APCDD1: variants seen among roughly 807,000 people sequenced by gnomAD.
The protein encoded by APCDD1 is APC down-regulated 1, also known as protein APCDD1.
APCDD1 carries 15 observed loss-of-function variants against 38.1 expected under a neutral mutation model. The observed-to-expected ratio is 0.39, with a 90% CI of 0.26 to 0.61. The LOEUF (loss-of-function observed/expected upper bound fraction) is 0.61, where lower values mean the gene tolerates loss of function less well. APCDD1 is among the 20% of genes least tolerant of loss of function. APCDD1 has a pLI of 0.49. For missense variants in APCDD1, 647 were observed against 696.2 expected, an observed-to-expected ratio of 0.93 and a Z score of 0.79; for synonymous variants, 261 against 279.7, an observed-to-expected ratio of 0.93 and a Z score of 0.67.
In APCDD1 at chr18:10,476,299, T is replaced by G. The variant is rs2031000463; in HGVS notation, c.774+4238T>G. The G allele has an allele frequency of 6.6e-6, 1 of 152,284 alleles. No individual in the cohort carries two copies. The highest frequency in any genetic ancestry group is 1.5e-5 in the Non-Finnish European group (1 of 68,058). 9.4% of individuals were successfully genotyped at this position (152,284 alleles called of 1,614,324 possible). A position where few individuals can be genotyped will look rare whatever the true frequency, so the allele number is the denominator to read the frequency against. The stretch of plus-strand genomic sequence containing the variant: ...AGTCAACTTGTTTTTCTAAGCTTTA[T>G]ACAGCTTTGCTGTGAGGTCCAGAGT... On this transcript the variant is annotated intron_variant, in intron 3 of 4. Coordinates refer to ENST00000355285, the MANE Select transcript of APCDD1 (RefSeq NM_153000.5). This position sits in a 1 kb window ranked among gnomAD's most constrained non-coding sequence, Gnocchi z 5.8.
chr18:10,471,392 T>C lies in APCDD1; in HGVS notation c.243-138T>C. The C allele has an allele frequency of 9.1e-7, 1 of 1,104,950 alleles. No individual in the cohort carries two copies. Among genetic ancestry groups the C allele is most frequent in the South Asian group, 1.4e-5 (1 of 73,098 alleles). 68.4% of individuals were successfully genotyped at this position (1,104,950 alleles called of 1,614,324 possible). On this transcript the variant is annotated intron_variant, in intron 2 of 4. Coordinates refer to ENST00000355285, the MANE Select transcript of APCDD1 (RefSeq NM_153000.5). This position sits in a 1 kb window ranked among gnomAD's most constrained non-coding sequence, Gnocchi z 5.5. ...GTTGTGAGGAGTCAATGAGTTGGTA[T>C]CTATAAAGGGCTGACAACAGAGTCT...
rs561901845 is a variant in APCDD1 at position 10,486,462 on chromosome 18, A to G, written c.1096+679A>G. On this transcript the variant is annotated intron_variant, in intron 4 of 4. Coordinates refer to ENST00000355285, the MANE Select transcript of APCDD1 (RefSeq NM_153000.5). Reference sequence around the variant, plus strand: ...AACACTGCGTTTGCTTGCATGCCACAGTGCTTTCCTGAGTGAGCAATAAAG... The same window carrying G: ...AACACTGCGTTTGCTTGCATGCCACGGTGCTTTCCTGAGTGAGCAATAAAG... 8.9e-4 allele frequency among the ~76,000 whole-genome samples: 135 copies of G among 152,334 alleles called. 2 individuals are homozygous for G. In the Middle Eastern group the frequency reaches 0.01, roughly 12 times the overall value.
At chr18:10,481,094 T>A (rs1198654563) in intron 3 of APCDD1, among the ~76,000 whole-genome samples, 1 of 152,176 alleles carries the variant, frequency 6.6e-6, no homozygotes, top group East Asian at 1.9e-4. Flanking sequence ...ACCTTATACA[T>A]TGCTGATGGA....
chr18:10,458,717 G>T (rs999951003), intron 1 of APCDD1, among the ~76,000 whole-genome samples: 2 of 152,186 alleles, frequency 1.3e-5, no homozygotes, highest in African/African-American at 4.8e-5. Flanking sequence ...ACAGACTGAT[G>T]ACAATATAAT....
At chr18:10,462,896 A>G (rs1247854031) in intron 1 of APCDD1, among the ~76,000 whole-genome samples, 1 of 148,954 alleles carries the variant, frequency 6.7e-6, no homozygotes, top group African/African-American at 2.6e-5. Flanking sequence ...TCCTGCTTTC[A>G]ATCTGTCCCC....
chr18:10,455,080 A>G lies in APCDD1; in HGVS notation c.58+41A>G, dbSNP rs28379930. ...CCACTCGAGCGCTCCCAGCCGGCGG[A>G]GGCAGCCCGGGCGCCGCGGAGCCCG... is the stretch of plus-strand genomic sequence containing the variant. On this transcript the variant is annotated intron_variant, in intron 1 of 4. Coordinates refer to ENST00000355285, the MANE Select transcript of APCDD1 (RefSeq NM_153000.5). 0.54 allele frequency: 829,180 copies of G among 1,546,900 alleles called. 226,764 individuals carry two copies. The highest frequency in any genetic ancestry group is 0.78 in the African/African-American group (56,987 of 72,810).
At chr18:10,462,536 TCCTCCCTTCCTTCCTTCCTGTGACCCTC>T in intron 1 of APCDD1, among the ~76,000 whole-genome samples, 1 of 72,902 alleles carries the variant, frequency 1.4e-5, no homozygotes. Flanking sequence ...GACCCTCCCT[TCCTCCCTTCCTTCCTTCCTGTGACCCTC>T]CCTTCCTTCC....
intron 1 of APCDD1, among the ~76,000 whole-genome samples, chr18:10,463,555 C>T (rs1424571862): frequency 6.6e-6 from 1 of 152,166 alleles, no homozygotes; most frequent in African/African-American, 2.4e-5. Flanking sequence ...TTATGCTTGG[C>T]CTCTGCTGCA....
rs1390516866 is a variant in APCDD1, at chr18:10,488,210, T to C, written c.*172T>C. 15 of 837,650 alleles carry C rather than the reference T, an allele frequency of 1.8e-5. No homozygotes were observed. The highest frequency in any genetic ancestry group is 3.5e-4 in the Middle Eastern group (1 of 2,830). 51.9% of individuals were successfully genotyped at this position (837,650 alleles called of 1,614,324 possible). ...CTGAGTCATGAACAGCAAGGAGTGT[T>C]TGAAGTTTCTGCTTTGAACTCCGTC... On this transcript the variant is annotated 3_prime_UTR_variant, in exon 5 of 5. Transcript: ENST00000355285.
intron 3 of APCDD1, among the ~76,000 whole-genome samples, chr18:10,474,740 G>C (rs1347776279): frequency 6.6e-6 from 1 of 152,192 alleles, no homozygotes; most frequent in Non-Finnish European, 1.5e-5. Flanking sequence ...GCATTGTTAA[G>C]GCTGGCGCCC....
At position 10,487,915 on chromosome 18, in the gene APCDD1, G is replaced by A; in HGVS notation, c.1422G>A (p.Glu474=). The A allele has an allele frequency of 6.2e-7, 1 of 1,613,370 alleles. No homozygotes were observed. Among genetic ancestry groups the A allele is most frequent in the Non-Finnish European group, 8.5e-7 (1 of 1,179,710 alleles). The change falls in exon 5 of 5, where the codon GAG becomes GAA. Residue 474 remains glutamate (E), a synonymous_variant. Coordinates refer to ENST00000355285, the MANE Select transcript of APCDD1 (RefSeq NM_153000.5). Reference sequence around the variant, plus strand: ...GTGCCTCCTCTTCGCCGAGGGCAGAGGACCTCGCAGAAGACAGTGGAAGCA... The same window carrying A: ...GTGCCTCCTCTTCGCCGAGGGCAGAAGACCTCGCAGAAGACAGTGGAAGCA... ...VQCASSSPRA[E]DLAEDSGSSL... is the part of the protein sequence containing the mutation.
rs1397704984 is a variant in APCDD1 at position 10,464,344 on chromosome 18, AGACAC to A, written c.59-4124_59-4120del. ...CACACACACACACACACACACACAC[AGACAC>A]ACACACACAAAAACATCTTTGTTAG... On this transcript the variant is annotated intron_variant, in intron 1 of 4. Transcript: ENST00000355285. 6.8e-3 allele frequency among the ~76,000 whole-genome samples: 1,026 copies of A among 150,278 alleles called. 19 individuals carry two copies. The highest frequency in any genetic ancestry group is 0.024 in the African/African-American group (977 of 39,990).
At chr18:10,486,668 G>C (rs2031255299) in intron 4 of APCDD1, among the ~76,000 whole-genome samples, 1 of 150,500 alleles carries the variant, frequency 6.6e-6, no homozygotes, top group Non-Finnish European at 1.5e-5. Context: ...AACAAAGCAG[G>C]GCTTGTGGTT....
At chr18:10,455,104 C>T in intron 1 of APCDD1, 65 bp downstream of exon 1, 3 of 1,541,722 alleles carry the variant, frequency 1.9e-6, no homozygotes, top group South Asian at 2.4e-5. Flanking sequence ...CCGCGGAGCC[C>T]GCGGAGGCGT....
chr18:10,478,594 G>C (rs2031061342), intron 3 of APCDD1, among the ~76,000 whole-genome samples: 1 of 152,168 alleles, frequency 6.6e-6, no homozygotes, highest in African/African-American at 2.4e-5. Flanking sequence ...GAACTCTCAG[G>C]CCTCTTTTAT....
intron 1 of APCDD1, among the ~76,000 whole-genome samples, chr18:10,463,635 T>C (rs1340724931): frequency 1.3e-5 from 2 of 152,206 alleles, no homozygotes; most frequent in Non-Finnish European, 2.9e-5. Context: ...CACAGGAAAG[T>C]CATCCACATT....
At chr18:10,462,220 G>T (rs2030564076) in intron 1 of APCDD1, among the ~76,000 whole-genome samples, 1 of 152,108 alleles carries the variant, frequency 6.6e-6, no homozygotes, top group African/African-American at 2.4e-5. Flanking sequence ...ATAAATAATA[G>T]GTGTACTCAC....
At chr18:10,456,770 A>C (rs975948281) in intron 1 of APCDD1, among the ~76,000 whole-genome samples, 9 of 152,166 alleles carry the variant, frequency 5.9e-5, no homozygotes, top group Admixed American at 3.9e-4. Flanking sequence ...AGGAGCTCCA[A>C]ATCTCCTGAG....
At chr18:10,484,388 T>G (rs183693574) in intron 3 of APCDD1, among the ~76,000 whole-genome samples, 1 of 152,368 alleles carries the variant, frequency 6.6e-6, no homozygotes, top group Admixed American at 6.5e-5. Context: ...TTTTTCTTTG[T>G]GTCTCCTAAC....
Sources: gnomAD v4.1 joint callset for allele counts (sites outside exome capture counted in the v4.1 genomes callset) on GRCh38, gnomAD v4.1.1 for gene constraint, Gnocchi (gnomAD v3.1) non-coding constraint, MANE v1.5 for transcripts, NCBI Gene and HGNC (gene_info 2026-07-23, HGNC 2026-07-21) for gene names.